Variants in MRPS31 observed in about 807,000 individuals in gnomAD.
The protein encoded by MRPS31 is mitochondrial ribosomal protein S31.
A neutral mutation model predicts 43.1 loss-of-function variants in MRPS31; 32 were observed. The observed-to-expected ratio is 0.74, with a 90% CI of 0.56 to 1.00. The LOEUF (loss-of-function observed/expected upper bound fraction) is 1.00. MRPS31 is among the 50% of genes least tolerant of loss of function. The pLI is 0.00. For missense variants in MRPS31, 437 were observed against 466.7 expected (o/e 0.94, Z 0.59); for synonymous variants, 165 against 161.6 (o/e 1.02, Z -0.16).
At position 40,758,980 on chromosome 13, in the gene MRPS31, C is replaced by T. The variant is rs1367868891; in HGVS notation, c.567G>A (p.Arg189=). The T allele has an allele frequency of 1.2e-5, 19 of 1,605,846 alleles. No homozygotes were observed. The highest frequency in any genetic ancestry group is 1.6e-5 in the Non-Finnish European group (19 of 1,177,520). ...SQLQQHEEES[R]AQRDAKRPKI... ...TAGGTCGCTTTGCATCTCTCTGTGCCCTTGACTCTTCCTCATGCTGCTGGA... is the reference window on the plus strand; with the variant it reads ...TAGGTCGCTTTGCATCTCTCTGTGCTCTTGACTCTTCCTCATGCTGCTGGA... The change falls in exon 3 of 7, where the codon AGG becomes AGA. Residue 189 remains arginine, a synonymous_variant. Coordinates refer to ENST00000323563, the MANE Select transcript of MRPS31 (RefSeq NM_005830.4).
At chr13:40,769,373 CATATATATATATATATATATATATATAT>C (rs201190639) in intron 1 of MRPS31, among the ~76,000 whole-genome samples, 4,622 of 65,648 alleles carry the variant, frequency 0.07, 480 homozygotes, top group East Asian at 0.41. Flanking sequence ...AGACTCTGTC[CATATATATATATATATATATATATATAT>C]ATATATATAT....
rs1180311541 is a variant in MRPS31 at position 40,739,664 on chromosome 13, A to C, written c.958+9474T>G. ...TCTACAACTATCTGATCTTTGACAA[A>C]CCTGAGAAAAACAAGCAATGGGGAA... On this transcript the variant is annotated intron_variant, in intron 6 of 6. Coordinates refer to ENST00000323563, the MANE Select transcript of MRPS31 (RefSeq NM_005830.4). Among the ~76,000 whole-genome samples the C allele has an allele frequency of 4.7e-4, 72 of 152,088 alleles. 2 individuals carry two copies. The highest frequency in any genetic ancestry group is 2.9e-5 in the Non-Finnish European group (2 of 68,032).
intron 1 of MRPS31, among the ~76,000 whole-genome samples, chr13:40,770,293 T>C (rs1880971197): frequency 6.6e-6 from 1 of 152,226 alleles, no homozygotes. Flanking sequence ...GCATGGAATT[T>C]ATGCAGCGGA....
At chr13:40,738,739 C>A (rs1879996526) in intron 6 of MRPS31, among the ~76,000 whole-genome samples, 1 of 139,076 alleles carries the variant, frequency 7.2e-6, no homozygotes, top group African/African-American at 2.9e-5. Context: ...AATTCAACAA[C>A]CTTCATGCTA....
chr13:40,763,775 T>G (rs1341192889), intron 2 of MRPS31, among the ~76,000 whole-genome samples: 1 of 152,190 alleles, frequency 6.6e-6, no homozygotes, highest in Non-Finnish European at 1.5e-5. Context: ...GGTAACACAC[T>G]GCAACTTCTG....
At chr13:40,768,384 C>T (rs1880908395) in intron 1 of MRPS31, among the ~76,000 whole-genome samples, 1 of 139,306 alleles carries the variant, frequency 7.2e-6, no homozygotes. Flanking sequence ...AGGGCACTGA[C>T]CTCCAACAGG....
intron 6 of MRPS31, among the ~76,000 whole-genome samples, chr13:40,741,859 C>T (rs9577134): frequency 0.14 from 21,428 of 150,030 alleles, 1,828 homozygotes; most frequent in East Asian, 0.25. Context: ...CAAGGAAATG[C>T]TTTCAAGATA....
chr13:40,756,547 A>C (rs1205085939), intron 4 of MRPS31, among the ~76,000 whole-genome samples: 1 of 152,178 alleles, frequency 6.6e-6, no homozygotes, highest in Non-Finnish European at 1.5e-5. Flanking sequence ...TAAAATGAAA[A>C]ATAATGTTTC....
At position 40,766,948 on chromosome 13, in the gene MRPS31, T is replaced by G; in HGVS notation, c.238A>C (p.Thr80Pro). 1 of 1,614,100 alleles carries G rather than the reference T, an allele frequency of 6.2e-7. No individual in the cohort carries two copies. The highest frequency in any genetic ancestry group is 8.5e-7 in the Non-Finnish European group (1 of 1,180,014). Residue 80 changes from threonine (T) to proline (P), a missense_variant, in exon 2 of 7, where the codon ACT becomes CCT. Physicochemically the swap from Thr to Pro is conservative, Grantham distance 38 (BLOSUM62 -1). Transcript: ENST00000323563. ...KDKQSVRTEE[T>P]SKETSESQDS... ...TGGCTCTCTGAAGTCTCCTTGGAAG[T>G]CTCCTCAGTTCGAACAGACTGCTTA... is the stretch of plus-strand genomic sequence containing the variant.
intron 6 of MRPS31, among the ~76,000 whole-genome samples, chr13:40,739,711 G>A (rs940112383): frequency 2.6e-5 from 4 of 151,136 alleles, no homozygotes; most frequent in African/African-American, 9.8e-5. Flanking sequence ...TTTAATAAAC[G>A]GTGCTGGGAA....
intron 4 of MRPS31, among the ~76,000 whole-genome samples, 176 bp downstream of exon 4, chr13:40,756,697 C>T (rs1880537543): frequency 1.3e-5 from 2 of 152,200 alleles, no homozygotes. Context: ...CTAAATCCAG[C>T]ACATGGTTCC....
intron 1 of MRPS31, among the ~76,000 whole-genome samples, chr13:40,768,310 T>G (rs1410645968): frequency 1.3e-5 from 2 of 152,232 alleles, no homozygotes; most frequent in African/African-American, 4.8e-5. Context: ...CCTGCCTTTA[T>G]GAAGCTGACG....
At chr13:40,745,529 GGT>G (rs1361098465) in intron 6 of MRPS31, among the ~76,000 whole-genome samples, 4 of 152,222 alleles carry the variant, frequency 2.6e-5, no homozygotes, top group Non-Finnish European at 5.9e-5. Context: ...TGGGATTACA[GGT>G]GTGAGCCACC....
chr13:40,732,664 G>C (rs1385590398), intron 6 of MRPS31, among the ~76,000 whole-genome samples: 1 of 152,096 alleles, frequency 6.6e-6, no homozygotes, highest in African/African-American at 2.4e-5. Flanking sequence ...CTTGAGCCCA[G>C]GAGTTTGAGG....
At chr13:40,743,046 T>C (rs1880145497) in intron 6 of MRPS31, among the ~76,000 whole-genome samples, 1 of 152,138 alleles carries the variant, frequency 6.6e-6, no homozygotes, top group Admixed American at 6.5e-5. Flanking sequence ...GCGCAGTGAC[T>C]CACCCCTGTA....
chr13:40,765,188 T>C (rs546742291), intron 2 of MRPS31, among the ~76,000 whole-genome samples: 6 of 152,336 alleles, frequency 3.9e-5, no homozygotes, highest in Admixed American at 2.6e-4. Flanking sequence ...GGACCACTAA[T>C]AGAGGTTCTA....
At chr13:40,769,621 C>T (rs1022425205) in intron 1 of MRPS31, among the ~76,000 whole-genome samples, 1 of 151,590 alleles carries the variant, frequency 6.6e-6, no homozygotes, top group African/African-American at 2.4e-5. Flanking sequence ...ACAGGACTCT[C>T]ATTATAATAT....
chr13:40,747,901 A>C (rs1321509618), intron 6 of MRPS31, among the ~76,000 whole-genome samples: 1 of 152,166 alleles, frequency 6.6e-6, no homozygotes, highest in East Asian at 1.9e-4. Context: ...AGAATCTCTA[A>C]GTCTCTGAAG....
chr13:40,748,048 T>C (rs1880287689), intron 6 of MRPS31, among the ~76,000 whole-genome samples: 1 of 152,206 alleles, frequency 6.6e-6, no homozygotes, highest in Non-Finnish European at 1.5e-5. Context: ...ATTACAATGA[T>C]ACCATAACAT....
Sources: allele counts gnomAD v4.1 joint callset (sites outside exome capture counted in the v4.1 genomes callset), GRCh38; gene constraint gnomAD v4.1.1; transcripts MANE v1.5; gene names NCBI Gene and HGNC (gene_info 2026-07-23, HGNC 2026-07-21).